The following GSTM4 variants were observed in gnomAD, a reference collection of about 807,000 sequenced individuals.
The protein encoded by GSTM4 is GST class-mu 4.
GSTM4 carries 27 observed loss-of-function variants against 30.1 expected under a neutral mutation model. That is an observed-to-expected ratio of 0.90 (90% confidence interval 0.66 to 1.24). The LOEUF is 1.24. Among genes scored for constraint, GSTM4 ranks in the 50% most tolerant of loss-of-function variants. The pLI is 0.00. For missense variants in GSTM4, 238 were observed against 272.1 expected (o/e 0.87, Z 0.88); for synonymous variants, 94 against 96.2 (o/e 0.98, Z 0.13).
At chr1:109,665,252 T>C, downstream of GSTM4, 1 of 608,068 alleles carries the variant, frequency 1.6e-6, no homozygotes. Context: ...GGGACATCCA[T>C]CTCTGCCTAT....
rs1191004330 is a variant in GSTM4, at chr1:109,656,138, G to A, written c.-252G>A. 1.2e-5 allele frequency: 6 copies of A among 489,858 alleles called. No individual in the cohort carries two copies. Among genetic ancestry groups the A allele is most frequent in the Non-Finnish European group, 2.3e-5 (6 of 264,554 alleles). 30.3% of individuals were successfully genotyped at this position (489,858 alleles called of 1,614,324 possible). A position where few individuals can be genotyped will look rare whatever the true frequency, so the allele number is the denominator to read the frequency against. Reference sequence around the variant, plus strand: ...CCTTGCTCCCTGAACACTCGGAGGTGGCGGTGGATCTTACTCCTTCCAGCC... The same window carrying A: ...CCTTGCTCCCTGAACACTCGGAGGTAGCGGTGGATCTTACTCCTTCCAGCC... On this transcript the variant is annotated 5_prime_UTR_variant, in exon 1 of 8. Transcript: ENST00000369836.
In GSTM4 at chr1:109,661,415, C is replaced by G. The variant is rs920976747; in HGVS notation, c.*161C>G. 12 of 1,490,050 alleles carry G rather than the reference C, an allele frequency of 8.1e-6. No individual in the cohort carries two copies. Among genetic ancestry groups the G allele is most frequent in the Admixed American group, 2.3e-5 (1 of 44,206 alleles). The allele number at this position is 1,490,050 out of a possible 1,614,324, so 92.3% of individuals were successfully genotyped here. ...AAGACTTTATTGGGCCTCTTCACTT[C>G]CCCTAAACCCCTGTCCCATGCAGGC... On this transcript the variant is annotated 3_prime_UTR_variant, in exon 8 of 8. Coordinates refer to ENST00000369836, the MANE Select transcript of GSTM4 (RefSeq NM_000850.5).
chr1:109,661,008 A>C (rs12085659), intron 7 of GSTM4, 157 bp from the exon 8 acceptor site: 2 of 887,594 alleles, frequency 2.3e-6, no homozygotes, highest in Non-Finnish European at 1.8e-6. Flanking sequence ...TAACTCCGCA[A>C]ATCTGGGGAC....
chr1:109,661,034 G>A, intron 7 of GSTM4, 131 bp from the exon 8 acceptor site: 1 of 1,253,678 alleles, frequency 8.0e-7, no homozygotes, highest in Non-Finnish European at 1.1e-6. Context: ...GAGGCTGTGT[G>A]ATGCCTCAGC....
In GSTM4 at chr1:109,661,164, G is replaced by T; in HGVS notation, c.568-1G>T. ...TCTGGCCTTATTTTCCCCCCTCTCA[G>T]GGCTTGGAGAAGATCTCTGCCTACA... On this transcript the variant is annotated splice_acceptor_variant, in intron 7 of 7. Transcript: ENST00000369836. LOFTEE classifies it high-confidence loss of function. 3 of 1,612,832 alleles carry T rather than the reference G, an allele frequency of 1.9e-6. No homozygotes were observed. Among genetic ancestry groups the T allele is most frequent in the Non-Finnish European group, 2.5e-6 (3 of 1,179,672 alleles).
intron 7 of GSTM4, chr1:109,660,440 G>T (rs1286720187): frequency 2.6e-5 from 4 of 153,694 alleles, no homozygotes; most frequent in African/African-American, 9.6e-5. Flanking sequence ...GTTTAGCTCA[G>T]GTACCAGGTG....
rs1652013830 is a variant in GSTM4, at chr1:109,656,716, C to T, written c.41C>T (p.Ala14Val). 6.2e-7 allele frequency: 1 copy of T among 1,613,780 alleles called. No homozygotes were observed. The highest frequency in any genetic ancestry group is 8.5e-7 in the Non-Finnish European group (1 of 1,179,842). The change falls in exon 2 of 8, where the codon GCC becomes GTC. Residue 14 changes from alanine to valine, a missense_variant. Transcript: ENST00000369836. ...CCTGCGGGCCATCTCTTCCAGCTGG[C>T]CCACGCCATCCGCCTGCTCCTGGAA... ...TLGYWDIRGL[A>V]HAIRLLLEYT... is the part of the protein sequence containing the mutation.
chr1:109,656,795 C>T lies in GSTM4; in HGVS notation c.112+8C>T, dbSNP rs767336074. On this transcript the variant is annotated splice_region_variant and intron_variant, in intron 2 of 7. Coordinates refer to ENST00000369836, the MANE Select transcript of GSTM4 (RefSeq NM_000850.5). ...AGTATACGATGGGGGACGGTAATGA[C>T]ACCCTTGTGTCCGGGCTCTGCCCAC... The T allele has an allele frequency of 1.2e-6, 2 of 1,612,666 alleles. No individual in the cohort carries two copies. The highest frequency in any genetic ancestry group is 1.7e-5 in the Admixed American group (1 of 60,028).
In GSTM4 at chr1:109,657,690, AGT is replaced by A. The variant is rs1466793947; in HGVS notation, c.259+25_259+26del. ...AACCTGTGTGAGTGTGGTTGGCTGC[AGT>A]GTGTGGGGGGAAGGTGGCATCCTCC... On this transcript the variant is annotated intron_variant, in intron 4 of 7. Transcript: ENST00000369836. The A allele has an allele frequency of 6.2e-7, 1 of 1,614,176 alleles. No individual in the cohort carries two copies. The highest frequency in any genetic ancestry group is 1.1e-5 in the South Asian group (1 of 91,076).
At chr1:109,666,402 C>T (rs551720429), downstream of GSTM4, among the ~76,000 whole-genome samples, 2 of 152,332 alleles carry the variant, frequency 1.3e-5, no homozygotes, top group Admixed American at 6.5e-5. Flanking sequence ...CTCAGGCTGC[C>T]TGTCTCTGGA....
At chr1:109,661,722 T>A, downstream of GSTM4, 2 of 1,050,682 alleles carry the variant, frequency 1.9e-6, no homozygotes, top group Non-Finnish European at 2.3e-6. Context: ...CTTGTCTTAT[T>A]TGCTCCTGGC....
At chr1:109,665,350 G>C, downstream of GSTM4, 1 of 418,630 alleles carries the variant, frequency 2.4e-6, no homozygotes, top group Non-Finnish European at 4.4e-6. Flanking sequence ...TTTGTTCTGA[G>C]GCCTTTAGCC....
intron 5 of GSTM4, 45 bp downstream of exon 5, chr1:109,657,917 C>A: frequency 6.5e-7 from 1 of 1,527,642 alleles, no homozygotes; most frequent in South Asian, 1.1e-5. Flanking sequence ...CTTGTATTCC[C>A]ATCTACTCTG....
At chr1:109,664,974 A>G (rs776447715), downstream of GSTM4, 1 of 1,610,926 alleles carries the variant, frequency 6.2e-7, no homozygotes, top group South Asian at 1.1e-5. Context: ...CCTTCTCTCT[A>G]ATAGGCACAA....
At chr1:109,665,838 T>C (rs1647302115), downstream of GSTM4, among the ~76,000 whole-genome samples, 1 of 152,124 alleles carries the variant, frequency 6.6e-6, no homozygotes, top group Non-Finnish European at 1.5e-5. Flanking sequence ...TGTCGATTCA[T>C]TTTGGGTGAG....
chr1:109,656,615 G>T, intron 1 of GSTM4, 97 bp from the exon 2 acceptor site: 1 of 893,398 alleles, frequency 1.1e-6, no homozygotes, highest in Admixed American at 1.9e-5. Context: ...GGGGGGGGGT[G>T]CAGTGCAGTG....
chr1:109,661,635 A>C lies in GSTM4; in HGVS notation c.*381A>C. 1 of 1,175,954 alleles carries C rather than the reference A, an allele frequency of 8.5e-7. No individual in the cohort carries two copies. The highest frequency in any genetic ancestry group is 1.1e-6 in the Non-Finnish European group (1 of 946,268). The allele number at this position is 1,175,954 out of a possible 1,614,324, so 72.8% of individuals were successfully genotyped here. A position where few individuals can be genotyped will look rare whatever the true frequency, so the allele number is the denominator to read the frequency against. On this transcript the variant is annotated 3_prime_UTR_variant, in exon 8 of 8. Transcript: ENST00000369836. ...TGCATGACAGCATTGACTGGTTTAC[A>C]GGCCCTGCTCCTGCAGCATGGCCCC...
Position 109,657,209 on chromosome 1 carries a change from C to G in GSTM4, c.113-6C>G, listed in dbSNP as rs755354563. The stretch of plus-strand genomic sequence containing the variant: ...GTTTGTTTTCACTTCTTCTTCCCCA[C>G]GGCAGCTCCTGACTATGACAGAAGC... On this transcript the variant is annotated splice_polypyrimidine_tract_variant and splice_region_variant and intron_variant, in intron 2 of 7. Coordinates refer to ENST00000369836, the MANE Select transcript of GSTM4 (RefSeq NM_000850.5). 6.8e-6 allele frequency: 11 copies of G among 1,612,394 alleles called. No individual in the cohort carries two copies. The Admixed American group carries it at 1.8e-4, about 27-fold the overall frequency.
chr1:109,657,727 T>C (rs1652096464), intron 4 of GSTM4, 45 bp from the exon 5 acceptor site: 4 of 1,613,956 alleles, frequency 2.5e-6, no homozygotes, highest in Non-Finnish European at 3.4e-6. Context: ...CTTGGCTGGA[T>C]TGGGGTGCTA....
Sources: gnomAD v4.1 joint callset for allele counts (sites outside exome capture counted in the v4.1 genomes callset) on GRCh38, gnomAD v4.1.1 for gene constraint, MANE v1.5 for transcripts, NCBI Gene and HGNC (gene_info 2026-07-23, HGNC 2026-07-21) for gene names.